GAS7: variants seen among roughly 807,000 people sequenced by gnomAD.
GAS7 encodes the protein growth arrest specific 7.
A neutral mutation model predicts 71.1 loss-of-function variants in GAS7; 28 were observed. The ratio of observed to expected loss-of-function variants is 0.39; its 90% CI spans 0.29 to 0.54. The LOEUF (loss-of-function observed/expected upper bound fraction) is 0.54, where lower values mean the gene tolerates loss of function less well. Ranked by LOEUF, GAS7 falls within the 20% of genes least tolerant of loss-of-function variation. The pLI, the probability that GAS7 is intolerant of heterozygous loss-of-function variation, is 0.62. For missense variants in GAS7, 436 were observed against 627.8 expected, an observed-to-expected ratio of 0.69 and a Z score of 3.27; for synonymous variants, 258 against 245.8, an observed-to-expected ratio of 1.05 and a Z score of -0.46.
chr17:10,027,222 C>CAATGAATGAATGAATG (rs3834606), intron 1 of GAS7: 1 of 151,274 alleles, frequency 6.6e-6, no homozygotes, highest in Non-Finnish European at 1.5e-5. Context: ...GTGCCCAGAA[C>CAATGAATGAATGAATG]AATGAATGAA....
intron 3 of GAS7, among the ~76,000 whole-genome samples, chr17:9,975,480 T>TC (rs2070157222): frequency 2.1e-5 from 1 of 47,276 alleles, no homozygotes; most frequent in Non-Finnish European, 4.2e-5. Context: ...TTCGGGCTTC[T>TC]TTTTCCTTCC....
chr17:10,126,207 T>C (rs1053263442), intron 1 of GAS7, among the ~76,000 whole-genome samples: 1 of 152,122 alleles, frequency 6.6e-6, no homozygotes, highest in Non-Finnish European at 1.5e-5. Flanking sequence ...GGAGAAAGTA[T>C]TTGCTCTAAT....
chr17:10,083,319 G>T (rs2073478190), intron 1 of GAS7, among the ~76,000 whole-genome samples: 1 of 152,218 alleles, frequency 6.6e-6, no homozygotes, highest in Non-Finnish European at 1.5e-5. Flanking sequence ...TTGAGGTCAG[G>T]AGATCAAGAC....
intron 9 of GAS7, among the ~76,000 whole-genome samples, chr17:9,929,096 T>C (rs1243456420): frequency 6.6e-6 from 1 of 152,172 alleles, no homozygotes; most frequent in Non-Finnish European, 1.5e-5. Flanking sequence ...CGAGAATAAA[T>C]AAACCCCTTT....
intron 1 of GAS7, among the ~76,000 whole-genome samples, chr17:10,053,694 A>C (rs1394998728): frequency 6.6e-6 from 1 of 152,130 alleles, no homozygotes; most frequent in Non-Finnish European, 1.5e-5. Flanking sequence ...AGATCTCAAA[A>C]TCTGGAAGAA....
At chr17:10,051,405 C>A (rs2073060515) in intron 1 of GAS7, among the ~76,000 whole-genome samples, 2 of 152,196 alleles carry the variant, frequency 1.3e-5, no homozygotes, top group African/African-American at 4.8e-5. Flanking sequence ...AATGACGAGA[C>A]TAGAATTCAA....
chr17:9,917,851 C>A lies in GAS7; in HGVS notation c.1317+150G>T. The stretch of plus-strand genomic sequence containing the variant: ...GGACAATCCTGAGAGGCCCAGTCCA[C>A]GAGGCCACCCCCAGGCCAGAGCACC... On this transcript the variant is annotated intron_variant, in intron 13 of 13. Transcript: ENST00000432992. The A allele has an allele frequency of 4.9e-6, 3 of 612,340 alleles. No individual in the cohort carries two copies. The South Asian group carries it at 5.9e-5, about 12-fold the overall frequency. 37.9% of individuals were successfully genotyped at this position (612,340 alleles called of 1,614,324 possible). A position where few individuals can be genotyped will look rare whatever the true frequency, so the allele number is the denominator to read the frequency against.
At chr17:10,181,663 T>A (rs986289653) in intron 1 of GAS7, among the ~76,000 whole-genome samples, 3 of 152,054 alleles carry the variant, frequency 2.0e-5, no homozygotes, top group Non-Finnish European at 2.9e-5. Flanking sequence ...GTAAAGGCAA[T>A]GAAGAACCTA....
Position 9,959,538 on chromosome 17 carries a change from T to C in GAS7, c.472-283A>G. The C allele has an allele frequency of 8.9e-7, 1 of 1,118,106 alleles. No individual in the cohort carries two copies. The highest frequency in any genetic ancestry group is 1.2e-6 in the Non-Finnish European group (1 of 845,532). The allele number at this position is 1,118,106 out of a possible 1,614,324, so 69.3% of individuals were successfully genotyped here. A position where few individuals can be genotyped will look rare whatever the true frequency, so the allele number is the denominator to read the frequency against. ...CCCTCCTCTTCTCTCAGTCTGTGAT[T>C]TGGGGAGTTAACCCCTCCGCTGCCC... On this transcript the variant is annotated intron_variant, in intron 4 of 13. Coordinates refer to ENST00000432992, the MANE Select transcript of GAS7 (RefSeq NM_201433.2). This position sits in a 1 kb window ranked among gnomAD's most constrained non-coding sequence, Gnocchi z 5.0.
intron 1 of GAS7, among the ~76,000 whole-genome samples, chr17:10,141,518 T>G (rs1469042359): frequency 6.6e-6 from 1 of 151,606 alleles, no homozygotes; most frequent in Non-Finnish European, 1.5e-5. Context: ...CCAGGGTAGA[T>G]CCAAGTCCCA....
intron 1 of GAS7, among the ~76,000 whole-genome samples, chr17:10,043,720 G>A (rs552861303): frequency 6.6e-6 from 1 of 152,302 alleles, no homozygotes; most frequent in East Asian, 1.9e-4. Flanking sequence ...TTCGAGACCA[G>A]CCTGGGCAGT....
intron 1 of GAS7, among the ~76,000 whole-genome samples, chr17:10,173,435 C>T (rs1353381070): frequency 6.6e-6 from 1 of 151,974 alleles, no homozygotes; most frequent in Non-Finnish European, 1.5e-5. Context: ...TAATGAGTTT[C>T]CCGAAATCAG....
intron 2 of GAS7, among the ~76,000 whole-genome samples, chr17:9,982,806 GGAAAGAAAGGAAAGAAAGGAAAGAAA>G (rs898310028): frequency 6.0e-5 from 3 of 50,146 alleles, no homozygotes; most frequent in African/African-American, 1.4e-4. Flanking sequence ...AGGAAAGAAA[GGAAAGAAAGGAAAGAAAGGAAAGAAA>G]GAAAGAAAGA....
At chr17:10,043,311 A>G (rs1350155626) in intron 1 of GAS7, among the ~76,000 whole-genome samples, 2 of 152,146 alleles carry the variant, frequency 1.3e-5, no homozygotes, top group Non-Finnish European at 2.9e-5. Flanking sequence ...CTCAGGGGCT[A>G]CATGGGGAAT....
rs148839541 is a variant in GAS7 at position 9,987,355 on chromosome 17, C to T, written c.305-5471G>A. The stretch of plus-strand genomic sequence containing the variant: ...ACTAGAACTCCATTCAGACCTCTTC[C>T]GCTGAGACCCAGAGAGCCATATACT... On this transcript the variant is annotated intron_variant, in intron 2 of 13. Transcript: ENST00000432992. 5.2e-3 allele frequency among the ~76,000 whole-genome samples: 796 copies of T among 152,342 alleles called. 1 individual carries two copies. The highest frequency in any genetic ancestry group is 0.01 in the Middle Eastern group (3 of 294).
chr17:10,106,789 C>T (rs921603274), intron 1 of GAS7, among the ~76,000 whole-genome samples: 10 of 142,648 alleles, frequency 7.0e-5, no homozygotes, highest in African/African-American at 2.7e-4. Context: ...TGCCCCCCCC[C>T]CCAAATATAT....
intron 4 of GAS7, among the ~76,000 whole-genome samples, chr17:9,965,354 A>C (rs2069663713): frequency 6.6e-6 from 1 of 152,238 alleles, no homozygotes; most frequent in African/African-American, 2.4e-5. Context: ...GAATGAGTTC[A>C]TGTCCTTTGT....
At chr17:10,101,758 A>C (rs1347719072) in intron 1 of GAS7, among the ~76,000 whole-genome samples, 2 of 152,184 alleles carry the variant, frequency 1.3e-5, no homozygotes, top group Non-Finnish European at 2.9e-5. Context: ...TCATTGGTTA[A>C]AGAGAAGCAT....
chr17:10,155,951 C>A (rs1187171207), intron 1 of GAS7, among the ~76,000 whole-genome samples: 2 of 152,184 alleles, frequency 1.3e-5, no homozygotes, highest in African/African-American at 4.8e-5. Context: ...GCCACACAGG[C>A]ATGGATGAGC....
Sources: gnomAD v4.1 joint callset for allele counts (sites outside exome capture counted in the v4.1 genomes callset) on GRCh38, gnomAD v4.1.1 for gene constraint, Gnocchi (gnomAD v3.1) non-coding constraint, MANE v1.5 for transcripts, NCBI Gene and HGNC (gene_info 2026-07-23, HGNC 2026-07-21) for gene names.